Variants in A2ML1 observed in about 807,000 individuals in gnomAD.
A2ML1 encodes the protein alpha-2-macroglobulin like 1.
Under a neutral mutation model 181.9 loss-of-function variants are expected in A2ML1, and 161 were observed. The ratio of observed to expected loss-of-function variants is 0.89; its 90% confidence interval spans 0.78 to 1.01. The LOEUF (loss-of-function observed/expected upper bound fraction) is 1.01. Among genes scored for constraint, A2ML1 ranks in the 50% least tolerant of loss-of-function variants. The probability of loss-of-function intolerance (pLI) is 0.00; values close to 1 mark genes in which losing one functional copy is unlikely to be tolerated. For missense variants in A2ML1, 1,670 were observed against 1,768.1 expected (o/e 0.94, Z 1.00); for synonymous variants, 663 against 666.8 (o/e 0.99, Z 0.09).
chr12:8,837,840 A>G (rs779252658), intron 8 of A2ML1, among the ~76,000 whole-genome samples: 2 of 149,528 alleles, frequency 1.3e-5, no homozygotes, highest in South Asian at 4.2e-4. Context: ...AGATGGTGCC[A>G]CTGCACTCCA....
chr12:8,850,107 C>T, intron 17 of A2ML1, 53 bp from the exon 18 acceptor site: 1 of 1,389,174 alleles, frequency 7.2e-7, no homozygotes, highest in Non-Finnish European at 9.9e-7. Flanking sequence ...CAATTTATGT[C>T]ACAACAAGAA....
chr12:8,829,874 A>G, intron 4 of A2ML1, 95 bp downstream of exon 4: 3 of 1,492,756 alleles, frequency 2.0e-6, no homozygotes, highest in Non-Finnish European at 2.8e-6. Flanking sequence ...TGGGCGTGGC[A>G]AGGCGAGGCC....
chr12:8,829,992 T>G (rs1489612006), intron 4 of A2ML1, among the ~76,000 whole-genome samples: 1 of 151,836 alleles, frequency 6.6e-6, no homozygotes, highest in South Asian at 2.1e-4. Context: ...GTTCTCAGCT[T>G]CAGTATCTAC....
At chr12:8,834,543 G>A in intron 4 of A2ML1, 119 bp from the exon 5 acceptor site, 1 of 1,250,304 alleles carries the variant, frequency 8.0e-7, no homozygotes, top group Non-Finnish European at 1.1e-6. Context: ...TAGAAAGGAA[G>A]AAATGAAGAA....
In A2ML1 at chr12:8,867,624, G is replaced by T. The variant is rs1266738849; in HGVS notation, c.3718-218G>T. On this transcript the variant is annotated intron_variant, in intron 29 of 35. Transcript: ENST00000299698. ...ATCGTGCCATTGCACTCCAGCCTGG[G>T]CAACAAAAGCAAAACTCCATCTGAA... Among the ~76,000 whole-genome samples, 3 of 151,348 alleles carry T rather than the reference G, an allele frequency of 2.0e-5. No homozygotes were observed. The East Asian group carries it at 5.8e-4, about 29-fold the overall frequency.
At chr12:8,838,298 C>T (rs951684179) in intron 8 of A2ML1, 38 bp from the exon 9 acceptor site, 1 of 1,387,742 alleles carries the variant, frequency 7.2e-7, no homozygotes, top group Non-Finnish European at 1.0e-6. Context: ...TTAGATTCCT[C>T]ATCTGCTCTC....
At position 8,827,557 on chromosome 12, in the gene A2ML1, C is replaced by T. The variant is rs142921364; in HGVS notation, c.410-2170C>T. Among the ~76,000 whole-genome samples the T allele has an allele frequency of 2.6e-5, 4 of 152,208 alleles. No individual in the cohort carries two copies. The East Asian group carries it at 5.8e-4, about 22-fold the overall frequency. On this transcript the variant is annotated intron_variant, in intron 3 of 35. Coordinates refer to ENST00000299698, the MANE Select transcript of A2ML1 (RefSeq NM_144670.6). ...CCTCAAAACAGCTATTTTGAATTCTCGATCTGAAAGATCACTATCTTTGTT... is the reference window on the plus strand; with the variant it reads ...CCTCAAAACAGCTATTTTGAATTCTTGATCTGAAAGATCACTATCTTTGTT...
At chr12:8,877,509 A>G (rs912313292), downstream of A2ML1, among the ~76,000 whole-genome samples, 2 of 152,228 alleles carry the variant, frequency 1.3e-5, no homozygotes, top group African/African-American at 4.8e-5. Flanking sequence ...AAATAATCCC[A>G]TTAAAACGTG....
downstream of A2ML1, among the ~76,000 whole-genome samples, chr12:8,880,368 A>G (rs183328824): frequency 6.4e-4 from 97 of 152,220 alleles, 1 homozygote; most frequent in East Asian, 0.017. Flanking sequence ...GACTGTCTAA[A>G]AAAAAGAGGT....
intron 33 of A2ML1, among the ~76,000 whole-genome samples, chr12:8,873,242 ATT>A (rs775312034): frequency 2.8e-5 from 4 of 142,174 alleles, no homozygotes; most frequent in Admixed American, 7.1e-5. Context: ...TTATAATACG[ATT>A]TTTTTTTTTT....
chr12:8,822,722 T>C lies in A2ML1; in HGVS notation c.62+9T>C, dbSNP rs1030301642. The C allele has an allele frequency of 2.5e-6, 4 of 1,613,886 alleles. No individual in the cohort carries two copies. Among genetic ancestry groups the C allele is most frequent in the South Asian group, 1.1e-5 (1 of 91,074 alleles). On this transcript the variant is annotated intron_variant, in intron 1 of 35. Coordinates refer to ENST00000299698, the MANE Select transcript of A2ML1 (RefSeq NM_144670.6). ...ATTGCAGAAGAACTTCCGTGAGTGC[T>C]TGGTGTCAGAATTGGTTTATTAGGG...
chr12:8,849,302 G>T (rs1431894643), intron 16 of A2ML1, among the ~76,000 whole-genome samples: 3 of 152,170 alleles, frequency 2.0e-5, no homozygotes, highest in Non-Finnish European at 4.4e-5. Context: ...GTTCATCTTT[G>T]TATTCTCTCT....
At chr12:8,867,570 C>T (rs980554957) in intron 29 of A2ML1, among the ~76,000 whole-genome samples, 10 of 152,066 alleles carry the variant, frequency 6.6e-5, no homozygotes, top group African/African-American at 1.7e-4. Flanking sequence ...TCACTTGAAC[C>T]CAGGAAGCGG....
chr12:8,845,517 T>C lies in A2ML1; in HGVS notation c.1537+15T>C. The C allele has an allele frequency of 3.7e-6, 6 of 1,613,380 alleles. No homozygotes were observed. The highest frequency in any genetic ancestry group is 1.3e-5 in the African/African-American group (1 of 75,022). On this transcript the variant is annotated intron_variant, in intron 13 of 35. Transcript: ENST00000299698. ...TAAGAAGAAAGGTGAGTGTACATGC[T>C]TTTCCCGGAAGCAAACAGGATATTT...
intron 28 of A2ML1, among the ~76,000 whole-genome samples, chr12:8,862,330 G>A (rs1411882143): frequency 1.3e-5 from 2 of 152,020 alleles, no homozygotes; most frequent in East Asian, 1.9e-4. Context: ...AGCCTCCCGA[G>A]TAGCTGGGAT....
chr12:8,857,149 C>A lies in A2ML1; in HGVS notation c.2849-15C>A. The A allele has an allele frequency of 6.2e-7, 1 of 1,608,136 alleles. No individual in the cohort carries two copies. Among genetic ancestry groups the A allele is most frequent in the South Asian group, 1.1e-5 (1 of 90,786 alleles). ...CTCTGTACCCCTACCTTCTCTCTCT[C>A]CTTTTGGATCCCAGGAGACATTATG... On this transcript the variant is annotated splice_polypyrimidine_tract_variant and intron_variant, in intron 23 of 35. Coordinates refer to ENST00000299698, the MANE Select transcript of A2ML1 (RefSeq NM_144670.6).
rs1257700579 is a variant in A2ML1 at position 8,835,623 on chromosome 12, G to T, written c.600G>T (p.Val200=). Residue 200 remains valine, a synonymous_variant, in exon 6 of 36, where the codon GTG becomes GTT. Coordinates refer to ENST00000299698, the MANE Select transcript of A2ML1 (RefSeq NM_144670.6). ...TGCTGGGCACCTACACTGTGGCAGTGGCTGAGGGCAAGACCTTTGGTACTT... is the reference window on the plus strand; with the variant it reads ...TGCTGGGCACCTACACTGTGGCAGTTGCTGAGGGCAAGACCTTTGGTACTT... The part of the protein sequence containing the change: ...EAMLGTYTVA[V]AEGKTFGTFS... 1 of 1,614,196 alleles carries T rather than the reference G, an allele frequency of 6.2e-7. No individual in the cohort carries two copies. Among genetic ancestry groups the T allele is most frequent in the Non-Finnish European group, 8.5e-7 (1 of 1,180,022 alleles).
At chr12:8,879,542 A>G (rs965463554), downstream of A2ML1, among the ~76,000 whole-genome samples, 1 of 152,034 alleles carries the variant, frequency 6.6e-6, no homozygotes, top group African/African-American at 2.4e-5. Context: ...CCACTCACTA[A>G]AAGCTCCATC....
intron 10 of A2ML1, among the ~76,000 whole-genome samples, chr12:8,840,622 A>G (rs1017815950): frequency 4.6e-5 from 7 of 152,194 alleles, no homozygotes; most frequent in Admixed American, 3.9e-4. Context: ...AAAAGAAAGC[A>G]AAATAGGCTG....
Sources: allele counts gnomAD v4.1 joint callset (sites outside exome capture counted in the v4.1 genomes callset), GRCh38; gene constraint gnomAD v4.1.1; transcripts MANE v1.5; gene names NCBI Gene and HGNC (gene_info 2026-07-23, HGNC 2026-07-21).